Variants in SYN3 observed in about 807,000 individuals in gnomAD.
The protein encoded by SYN3 is synapsin-3.
A neutral mutation model predicts 65.8 loss-of-function variants in SYN3; 35 were observed. That is an observed-to-expected ratio of 0.53 (90% CI 0.41 to 0.70). The LOEUF (loss-of-function observed/expected upper bound fraction) is 0.70. SYN3 is among the 30% of genes least tolerant of loss of function. The pLI is 0.00. For missense variants in SYN3, 680 were observed against 749.0 expected (o/e 0.91, Z 1.08); for synonymous variants, 270 against 292.9 (o/e 0.92, Z 0.80).
chr22:33,016,776 T>C (rs2053475018), intron 1 of SYN3, among the ~76,000 whole-genome samples: 1 of 152,200 alleles, frequency 6.6e-6, no homozygotes, highest in Admixed American at 6.5e-5. Context: ...ATAGAGTTGT[T>C]TGAATTCCTT....
chr22:32,896,302 C>G (rs577931383), intron 4 of SYN3, among the ~76,000 whole-genome samples: 1 of 152,120 alleles, frequency 6.6e-6, no homozygotes, highest in African/African-American at 2.4e-5. Flanking sequence ...TGAAAAAATA[C>G]AAAAATTAGC....
intron 3 of SYN3, among the ~76,000 whole-genome samples, chr22:32,949,722 C>T (rs146991590): frequency 5.7e-4 from 87 of 152,144 alleles, no homozygotes; most frequent in African/African-American, 1.8e-3. Context: ...ATTGCATTTG[C>T]GATGATAATC....
At chr22:32,886,897 C>A (rs1377837322) in intron 4 of SYN3, among the ~76,000 whole-genome samples, 7 of 152,208 alleles carry the variant, frequency 4.6e-5, no homozygotes, top group African/African-American at 7.2e-5. Flanking sequence ...CAGGACCCTG[C>A]CTCTCATGTT....
intron 2 of SYN3, among the ~76,000 whole-genome samples, chr22:32,998,212 T>C (rs2052945603): frequency 6.6e-6 from 1 of 152,052 alleles, no homozygotes; most frequent in Non-Finnish European, 1.5e-5. Flanking sequence ...TAGAAGTGGG[T>C]GGGCAGATAG....
chr22:32,852,192 TA>T (rs2048236992), intron 6 of SYN3, among the ~76,000 whole-genome samples: 1 of 152,188 alleles, frequency 6.6e-6, no homozygotes, highest in African/African-American at 2.4e-5. Context: ...ATATAACTGT[TA>T]AGATTATATG....
chr22:33,037,996 T>TAA (rs375298521), intron 1 of SYN3, among the ~76,000 whole-genome samples: 4 of 146,182 alleles, frequency 2.7e-5, no homozygotes, highest in African/African-American at 7.5e-5. Flanking sequence ...TGCATGAAGT[T>TAA]AAAAAAAAAA....
chr22:32,530,578 A>AT (rs575048512), intron 10 of SYN3, among the ~76,000 whole-genome samples: 1,302 of 126,606 alleles, frequency 0.01, 14 homozygotes, highest in East Asian at 0.046. Context: ...CTACGGGCCT[A>AT]TTTTTTTTTT....
At chr22:32,678,619 TTCTTCC>T (rs1362509309) in intron 6 of SYN3, among the ~76,000 whole-genome samples, 2 of 151,340 alleles carry the variant, frequency 1.3e-5, no homozygotes, top group Non-Finnish European at 2.9e-5. Flanking sequence ...TTTCTTCCTC[TTCTTCC>T]TCTTCCTCTT....
intron 1 of SYN3, among the ~76,000 whole-genome samples, chr22:33,022,655 A>G (rs1027849451): frequency 6.6e-6 from 1 of 152,166 alleles, no homozygotes; most frequent in Non-Finnish European, 1.5e-5. Context: ...AGTGAGCACA[A>G]ACAACTCCCT....
intron 2 of SYN3, among the ~76,000 whole-genome samples, chr22:32,987,465 C>T (rs2052561276): frequency 6.6e-6 from 1 of 152,190 alleles, no homozygotes. Context: ...ACCCTCCTGG[C>T]ACCTTCCCAT....
At chr22:32,875,167 G>C (rs1356579324) in intron 4 of SYN3, among the ~76,000 whole-genome samples, 1 of 152,218 alleles carries the variant, frequency 6.6e-6, no homozygotes, top group Admixed American at 6.5e-5. Flanking sequence ...GTGAGGAGCA[G>C]ACAACAGGAT....
At chr22:32,672,407 TG>T (rs1388177332) in intron 6 of SYN3, among the ~76,000 whole-genome samples, 1 of 152,242 alleles carries the variant, frequency 6.6e-6, no homozygotes, top group Non-Finnish European at 1.5e-5. Context: ...ATTTTCTCAG[TG>T]AGCAGTCATC....
At chr22:32,703,781 T>C (rs1364360054) in intron 6 of SYN3, among the ~76,000 whole-genome samples, 2 of 152,208 alleles carry the variant, frequency 1.3e-5, no homozygotes, top group Admixed American at 6.5e-5. Context: ...TGTAATTTCA[T>C]CTAAACAAAA....
In SYN3 at chr22:32,570,859, C is replaced by T. The variant is rs115851012; in HGVS notation, c.774+25815G>A. ...ACCCACAATGCGTGACACTGGTGGC[C>T]CACAGGATGATTTAGGGGGGACACA... On this transcript the variant is annotated intron_variant, in intron 7 of 13. Transcript: ENST00000358763. Among the ~76,000 whole-genome samples, 675 of 152,072 alleles carry T rather than the reference C, an allele frequency of 4.4e-3. 5 individuals carry two copies. The highest frequency in any genetic ancestry group is 0.016 in the African/African-American group (650 of 41,472).
At chr22:32,544,547 C>T (rs1190129536) in intron 7 of SYN3, among the ~76,000 whole-genome samples, 1 of 152,176 alleles carries the variant, frequency 6.6e-6, no homozygotes, top group Non-Finnish European at 1.5e-5. Context: ...TGGTCCTTGC[C>T]CTGCGTTGAC....
intron 13 of SYN3, 38 bp downstream of exon 13, chr22:32,518,005 C>A: frequency 2.0e-6 from 3 of 1,475,642 alleles, no homozygotes; most frequent in Non-Finnish European, 2.7e-6. Context: ...TACACCCCAG[C>A]TCTATCCTAT....
At chr22:32,765,558 A>C (rs2045600130) in intron 6 of SYN3, among the ~76,000 whole-genome samples, 1 of 152,200 alleles carries the variant, frequency 6.6e-6, no homozygotes. Flanking sequence ...AGAAAATGAC[A>C]GGCGAGAGGG....
At chr22:32,679,048 CTTTTTT>C (rs145971116) in intron 6 of SYN3, among the ~76,000 whole-genome samples, 74 of 85,652 alleles carry the variant, frequency 8.6e-4, no homozygotes, top group Non-Finnish European at 1.2e-3. Context: ...TTGTTTCTTT[CTTTTTT>C]TTTTTTTTTT....
In SYN3 at chr22:32,976,580, A is replaced by T. The variant is rs564396577; in HGVS notation, c.369+4065T>A. 1.9e-4 allele frequency among the ~76,000 whole-genome samples: 29 copies of T among 152,200 alleles called. No individual in the cohort carries two copies. The South Asian group carries it at 6.0e-3, about 32-fold the overall frequency. ...AAAAAGACCCTTTGCCTCAAATATA[A>T]ACAGAGGAGAGTTTGACATGCCAAC... On this transcript the variant is annotated intron_variant, in intron 3 of 13. Transcript: ENST00000358763.
Sources: gnomAD v4.1 joint callset for allele counts (sites outside exome capture counted in the v4.1 genomes callset) on GRCh38, gnomAD v4.1.1 for gene constraint, MANE v1.5 for transcripts, NCBI Gene and HGNC (gene_info 2026-07-23, HGNC 2026-07-21) for gene names.